Variants in DHX58 observed in about 807,000 individuals in gnomAD.
The protein encoded by DHX58 is ATP-dependent RNA helicase DHX58.
DHX58 carries 51 observed loss-of-function variants against 65.0 expected under a neutral mutation model. That is an observed-to-expected ratio of 0.78 (90% CI 0.63 to 0.99). The LOEUF (loss-of-function observed/expected upper bound fraction) is 0.99, where lower values mean the gene tolerates loss of function less well. DHX58 is among the 50% of genes least tolerant of loss of function. The pLI, the probability that DHX58 is intolerant of heterozygous loss-of-function variation, is 0.00. For missense variants in DHX58, 773 were observed against 891.8 expected (o/e 0.87, Z 1.70); for synonymous variants, 350 against 365.0 (o/e 0.96, Z 0.47).
At position 42,101,502 on chromosome 17, in the gene DHX58, CA is replaced by C. The variant is rs2053977315; in HGVS notation, c.*258del. The C allele has an allele frequency of 5.3e-6, 2 of 375,392 alleles. No homozygotes were observed. The highest frequency in any genetic ancestry group is 9.5e-6 in the Non-Finnish European group (2 of 209,952). The allele number at this position is 375,392 out of a possible 1,614,324, so 23.3% of individuals were successfully genotyped here. A position where few individuals can be genotyped will look rare whatever the true frequency, so the allele number is the denominator to read the frequency against. ...TGTCGTGATTCTGAGTACAGTATGG[CA>C]AATTCTTTTGCCTCAGTTTCCCTAA... On this transcript the variant is annotated 3_prime_UTR_variant, in exon 14 of 14. Coordinates refer to ENST00000251642, the MANE Select transcript of DHX58 (RefSeq NM_024119.3).
chr17:42,103,868 C>T, intron 11 of DHX58, 70 bp from the exon 12 acceptor site: 2 of 1,500,142 alleles, frequency 1.3e-6, no homozygotes, highest in South Asian at 1.2e-5. Context: ...AAAAGGTTCC[C>T]AAAGAACTAA....
In DHX58 at chr17:42,105,744, T is replaced by C. The variant is rs1377310545; in HGVS notation, c.1243A>G (p.Met415Val). Residue 415 changes from methionine (M) to valine (V), a missense_variant, in exon 9 of 14, where the codon ATG (methionine) becomes GTG (valine). By Grantham distance (21) the Met-to-Val change is conservative. Transcript: ENST00000251642. ...GAGNSSQSTHMTQRDQQEVIQ... is the reference protein window; with the variant it reads ...GAGNSSQSTHVTQRDQQEVIQ... Reference sequence around the variant, plus strand: ...TTCCCCGAAGCCCACACCTGGGTCATGTGGGTGCTCTGGCTGCTGTTCCCA... The same window carrying C: ...TTCCCCGAAGCCCACACCTGGGTCACGTGGGTGCTCTGGCTGCTGTTCCCA... 3.2e-6 allele frequency: 5 copies of C among 1,578,010 alleles called. No homozygotes were observed. The highest frequency in any genetic ancestry group is 4.3e-6 in the Non-Finnish European group (5 of 1,162,280).
Position 42,110,724 on chromosome 17 carries a change from T to C in DHX58, c.560A>G (p.Gln187Arg), listed in dbSNP as rs140251603. The C allele has an allele frequency of 2.8e-5, 45 of 1,599,488 alleles. No homozygotes were observed. Among genetic ancestry groups the C allele is most frequent in the Middle Eastern group, 1.7e-4 (1 of 5,982 alleles). ...GAGGCCCACAGGGGCCAGGCTGACC[T>C]GCAGGACGTGGTTGATGGCCCCATC... Reference protein sequence around the residue: ...KLDGAINHVLQLCANLDTWCI... With the variant: ...KLDGAINHVLRLCANLDTWCI... Residue 187 changes from glutamine to arginine, a missense_variant and splice_region_variant, in exon 5 of 14, where the codon CAG becomes CGG. Coordinates refer to ENST00000251642, the MANE Select transcript of DHX58 (RefSeq NM_024119.3).
At position 42,107,798 on chromosome 17, in the gene DHX58, G is replaced by C; in HGVS notation, c.806-3C>G. 6.4e-7 allele frequency: 1 copy of C among 1,568,314 alleles called. No individual in the cohort carries two copies. Among genetic ancestry groups the C allele is most frequent in the Non-Finnish European group, 8.7e-7 (1 of 1,155,724 alleles). ...CTCCTGAAGCCCAGCCAAAGCCGCT[G>C]CGGGAAGAGGGCGCAGGGTCTGAGC... On this transcript the variant is annotated splice_polypyrimidine_tract_variant and splice_region_variant and intron_variant, in intron 7 of 13. Transcript: ENST00000251642.
Position 42,103,596 on chromosome 17 carries a change from C to T in DHX58, c.1754+12G>A, listed in dbSNP as rs1261259978. On this transcript the variant is annotated intron_variant, in intron 12 of 13. Transcript: ENST00000251642. ...AGGCCCCCATCCCAGTAGCCCCTTC[C>T]ACAGGTCTCACGAGAAGTTGGGGTT... 2.5e-6 allele frequency: 4 copies of T among 1,613,700 alleles called. No individual in the cohort carries two copies. The East Asian group carries it at 8.9e-5, about 36-fold the overall frequency.
chr17:42,105,828 G>T lies in DHX58; in HGVS notation c.1159C>A (p.Leu387Ile). The T allele has an allele frequency of 6.2e-7, 1 of 1,613,978 alleles. No individual in the cohort carries two copies. Among genetic ancestry groups the T allele is most frequent in the East Asian group, 2.2e-5 (1 of 44,876 alleles). ...GTCTGCAGGCCCTGCTGCTGCTGGA[G>T]CCAGAGCAGGAGGGAGTGTGCGCTT... ...RQSAHSLLLW[L>I]QQQQGLQTVD... is the part of the protein sequence containing the mutation. The change falls in exon 9 of 14, where the codon CTC becomes ATC. Residue 387 changes from leucine (L) to isoleucine (I), a missense_variant. Physicochemically the swap from Leu to Ile is conservative, Grantham distance 5. Transcript: ENST00000251642.
chr17:42,107,758 C>T lies in DHX58; in HGVS notation c.843G>A (p.Ala281=). The change falls in exon 8 of 14, where the codon GCG becomes GCA. Residue 281 remains alanine, a synonymous_variant. Transcript: ENST00000251642. ...LAGLQEQRVY[A]LHLRRYNDAL... is the part of the protein sequence containing the mutation. ...CGTCATTGTAGCGCCTCAGGTGAAG[C>T]GCATACACCCGTTGCTCCTGAAGCC... 6.3e-7 allele frequency: 1 copy of T among 1,594,826 alleles called. No homozygotes were observed. Among genetic ancestry groups the T allele is most frequent in the Non-Finnish European group, 8.5e-7 (1 of 1,170,288 alleles).
intron 6 of DHX58, 29 bp downstream of exon 6, chr17:42,109,241 G>A (rs1555663522): frequency 3.8e-6 from 6 of 1,587,938 alleles, no homozygotes; most frequent in Admixed American, 1.7e-5. Context: ...ACCGGCTCCC[G>A]CTCTCGCCGT....
chr17:42,111,993 C>T (rs2054164393), intron 2 of DHX58, 100 bp from the exon 3 acceptor site: 1 of 1,442,694 alleles, frequency 6.9e-7, no homozygotes, highest in Non-Finnish European at 9.3e-7. Context: ...CAGGACTCCA[C>T]CCCACTTGAG....
rs782558192 is a variant in DHX58, at chr17:42,103,686, C to A, written c.1676G>T (p.Cys559Phe). 3 of 1,613,870 alleles carry A rather than the reference C, an allele frequency of 1.9e-6. No homozygotes were observed. The highest frequency in any genetic ancestry group is 2.7e-5 in the African/African-American group (2 of 74,924). The change falls in exon 12 of 14, where the codon TGC becomes TTC. Residue 559 changes from cysteine to phenylalanine, a missense_variant. Cys to Phe is a radical substitution (Grantham distance 205, BLOSUM62 -2). Transcript: ENST00000251642. ...VEHVQLLCINCMVAVGHGSDL... is the reference protein window; with the variant it reads ...VEHVQLLCINFMVAVGHGSDL... ...GCTGCCATGGCCCACAGCCACCATG[C>A]AGTTGATGCAGAGTAGCTGCACGTG...
At chr17:42,111,951 C>T in intron 2 of DHX58, 58 bp from the exon 3 acceptor site, 1 of 1,560,062 alleles carries the variant, frequency 6.4e-7, no homozygotes, top group East Asian at 2.3e-5. Context: ...AACTCCTGGC[C>T]AGACCAGTCA....
At chr17:42,102,447 G>T in intron 12 of DHX58, 135 bp from the exon 13 acceptor site, 1 of 724,908 alleles carries the variant, frequency 1.4e-6, no homozygotes, top group Non-Finnish European at 2.4e-6. Context: ...TCCCAGGCCA[G>T]GAAATCCAAT....
Position 42,109,488 on chromosome 17 carries a change from G to A in DHX58, c.562-102C>T. The A allele has an allele frequency of 4.3e-6, 4 of 936,968 alleles. No homozygotes were observed. The South Asian group carries it at 6.7e-5, about 16-fold the overall frequency. The allele number at this position is 936,968 out of a possible 1,614,324, so 58.0% of individuals were successfully genotyped here. A position where few individuals can be genotyped will look rare whatever the true frequency, so the allele number is the denominator to read the frequency against. On this transcript the variant is annotated intron_variant, in intron 5 of 13. Transcript: ENST00000251642. ...CCCAGCTGAGGACAGGAGAATGTGG[G>A]CATTCGTCTACTCAAATATTGCTCG...
At position 42,105,823 on chromosome 17, in the gene DHX58, C is replaced by T; in HGVS notation, c.1164G>A (p.Gln388=). 1.2e-6 allele frequency: 2 copies of T among 1,613,860 alleles called. No homozygotes were observed. The highest frequency in any genetic ancestry group is 1.7e-6 in the Non-Finnish European group (2 of 1,179,880). The part of the protein sequence containing the change: ...QSAHSLLLWL[Q]QQQGLQTVDI... ...CCACAGTCTGCAGGCCCTGCTGCTG[C>T]TGGAGCCAGAGCAGGAGGGAGTGTG... The change falls in exon 9 of 14, where the codon CAG becomes CAA. Residue 388 remains glutamine, a synonymous_variant. Coordinates refer to ENST00000251642, the MANE Select transcript of DHX58 (RefSeq NM_024119.3).
intron 11 of DHX58, 82 bp from the exon 12 acceptor site, chr17:42,103,880 A>G: frequency 2.1e-6 from 3 of 1,448,776 alleles, no homozygotes; most frequent in Non-Finnish European, 2.8e-6. Context: ...AAGAACTAAG[A>G]TCATTTGTAC....
Position 42,101,618 on chromosome 17 carries a change from G to T in DHX58, c.*143C>A. 8.8e-7 allele frequency: 1 copy of T among 1,130,360 alleles called. No homozygotes were observed. Among genetic ancestry groups the T allele is most frequent in the Non-Finnish European group, 1.3e-6 (1 of 797,846 alleles). The allele number at this position is 1,130,360 out of a possible 1,614,324, so 70.0% of individuals were successfully genotyped here. The stretch of plus-strand genomic sequence containing the variant: ...CTCCGGTTGTTTTCCCATTGCGGGA[G>T]CCTAAGCCAGGGTGCCCAGGACTCC... On this transcript the variant is annotated 3_prime_UTR_variant, in exon 14 of 14. Transcript: ENST00000251642.
chr17:42,104,205 C>T (rs1598214128), intron 11 of DHX58, among the ~76,000 whole-genome samples: 2 of 147,588 alleles, frequency 1.4e-5, no homozygotes, highest in African/African-American at 2.5e-5. Flanking sequence ...GACTCCGTCT[C>T]GGGGAAAAAA....
Position 42,101,790 on chromosome 17 carries a change from C to CG in DHX58, c.2007dup (p.Glu670ArgfsTer37). ...TCCAGGGAGAGGTCCGACAAGTTCT[C>CG]GGCACAATGCTGCAGGAAGTCAAAG... is the stretch of plus-strand genomic sequence containing the variant. On this transcript the variant is annotated frameshift_variant, in exon 14 of 14. Transcript: ENST00000251642. LOFTEE classifies it high-confidence loss of function. 2 of 1,614,190 alleles carry CG rather than the reference C, an allele frequency of 1.2e-6. No homozygotes were observed. Among genetic ancestry groups the CG allele is most frequent in the Non-Finnish European group, 8.5e-7 (1 of 1,180,026 alleles).
intron 12 of DHX58, 141 bp from the exon 13 acceptor site, chr17:42,102,453 C>A (rs1434962696): frequency 5.7e-6 from 4 of 704,394 alleles, no homozygotes; most frequent in Non-Finnish European, 7.4e-6. Context: ...GCCAGGAAAT[C>A]CAATCTTTGG....
Sources: allele counts gnomAD v4.1 joint callset (sites outside exome capture counted in the v4.1 genomes callset), GRCh38; gene constraint gnomAD v4.1.1; transcripts MANE v1.5; gene names NCBI Gene and HGNC (gene_info 2026-07-23, HGNC 2026-07-21).